CNTNAP2: variants seen among roughly 807,000 people sequenced by gnomAD.
The protein encoded by CNTNAP2 is contactin associated protein 2.
CNTNAP2 carries 98 observed loss-of-function variants against 155.2 expected under a neutral mutation model. That is an observed-to-expected ratio of 0.63 (90% CI 0.54 to 0.75). CNTNAP2 has a LOEUF of 0.75. Among genes scored for constraint, CNTNAP2 ranks in the 30% least tolerant of loss-of-function variants. CNTNAP2 has a pLI of 0.00. For synonymous variants in CNTNAP2, 651 were observed against 631.2 expected, an observed-to-expected ratio of 1.03 and a Z score of -0.47; for missense variants, 1,727 against 1,688.1, an observed-to-expected ratio of 1.02 and a Z score of -0.40.
chr7:146,419,276 G>A (rs1275186521), intron 1 of CNTNAP2, among the ~76,000 whole-genome samples: 1 of 152,058 alleles, frequency 6.6e-6, no homozygotes, highest in East Asian at 1.9e-4. Flanking sequence ...CATGAGAACA[G>A]TATGGGGGAA....
At chr7:146,418,132 A>T (rs186723551) in intron 1 of CNTNAP2, among the ~76,000 whole-genome samples, 2 of 152,344 alleles carry the variant, frequency 1.3e-5, no homozygotes, top group East Asian at 3.9e-4. Flanking sequence ...AAAGAGAAGA[A>T]GAAGATGTGA....
chr7:148,041,708 T>G (rs1802679376), intron 15 of CNTNAP2, among the ~76,000 whole-genome samples: 1 of 152,212 alleles, frequency 6.6e-6, no homozygotes, highest in Admixed American at 6.5e-5. Context: ...AAGAATATCA[T>G]TAGTATAGTT....
chr7:147,298,964 T>C lies in CNTNAP2; in HGVS notation c.1349-1177T>C, dbSNP rs113581287. Among the ~76,000 whole-genome samples, 120 of 152,350 alleles carry C rather than the reference T, an allele frequency of 7.9e-4. 1 individual carries two copies. The highest frequency in any genetic ancestry group is 2.8e-3 in the African/African-American group (116 of 41,594). On this transcript the variant is annotated intron_variant, in intron 8 of 23. Transcript: ENST00000361727. Reference sequence around the variant, plus strand: ...ATTCCTGGTATAAATTATCAGGAGCTTGGAGCCTTGATCTGTGTGTCATTG... The same window carrying C: ...ATTCCTGGTATAAATTATCAGGAGCCTGGAGCCTTGATCTGTGTGTCATTG...
chr7:146,282,014 C>T (rs183020086), intron 1 of CNTNAP2, among the ~76,000 whole-genome samples: 36 of 151,978 alleles, frequency 2.4e-4, no homozygotes, highest in Admixed American at 9.2e-4. Context: ...ATAGTAGAGA[C>T]CTAAAAGCCC....
intron 10 of CNTNAP2, among the ~76,000 whole-genome samples, chr7:147,429,269 G>T (rs1797429641): frequency 6.6e-6 from 1 of 151,476 alleles, no homozygotes; most frequent in Non-Finnish European, 1.5e-5. Context: ...TTTAAATTAT[G>T]GCCATTCTTG....
rs560273703 is a variant in CNTNAP2 at position 146,717,274 on chromosome 7, G to A, written c.98-56997G>A. 7.9e-5 allele frequency among the ~76,000 whole-genome samples: 12 copies of A among 151,862 alleles called. No individual in the cohort carries two copies. The South Asian group carries it at 1.0e-3, about 13-fold the overall frequency. On this transcript the variant is annotated intron_variant, in intron 1 of 23. Coordinates refer to ENST00000361727, the MANE Select transcript of CNTNAP2 (RefSeq NM_014141.6). ...CTAGTTTTCTTTGGGAGGCCGAGGC[G>A]GGTGGATCACCTGAGGTCAGGAGTT...
At chr7:147,309,854 C>T (rs1180665239) in intron 9 of CNTNAP2, among the ~76,000 whole-genome samples, 1 of 151,808 alleles carries the variant, frequency 6.6e-6, no homozygotes, top group African/African-American at 2.4e-5. Context: ...AGCATAGTAC[C>T]ATATAAGTAG....
At chr7:146,548,709 T>A (rs1347572066) in intron 1 of CNTNAP2, among the ~76,000 whole-genome samples, 2 of 151,976 alleles carry the variant, frequency 1.3e-5, no homozygotes, top group Middle Eastern at 3.4e-3. Context: ...ATCATTGTTG[T>A]TTTTGTTAGT....
At chr7:147,606,592 C>G (rs1212957938) in intron 12 of CNTNAP2, among the ~76,000 whole-genome samples, 3 of 152,020 alleles carry the variant, frequency 2.0e-5, no homozygotes, top group African/African-American at 7.2e-5. Flanking sequence ...ACTAGAGTAC[C>G]AATACCAGAT....
At chr7:147,767,654 G>A (rs1797402914) in intron 13 of CNTNAP2, among the ~76,000 whole-genome samples, 1 of 151,992 alleles carries the variant, frequency 6.6e-6, no homozygotes, top group African/African-American at 2.4e-5. Context: ...AAGACAGATG[G>A]AGGAGATTGG....
At chr7:146,156,579 C>T (rs1798129532) in intron 1 of CNTNAP2, among the ~76,000 whole-genome samples, 1 of 152,252 alleles carries the variant, frequency 6.6e-6, no homozygotes, top group African/African-American at 2.4e-5. Flanking sequence ...TTCTCCTCTA[C>T]ATATTGTTTT....
chr7:146,119,014 C>CTT (rs1461146631), intron 1 of CNTNAP2, among the ~76,000 whole-genome samples: 1 of 152,020 alleles, frequency 6.6e-6, no homozygotes, highest in East Asian at 1.9e-4. Flanking sequence ...GGATTCAGTA[C>CTT]TTTAAATATC....
intron 15 of CNTNAP2, among the ~76,000 whole-genome samples, chr7:148,028,826 C>G (rs1272534852): frequency 6.6e-6 from 1 of 152,120 alleles, no homozygotes; most frequent in East Asian, 1.9e-4. Flanking sequence ...AACACCATCT[C>G]CCCAGATCAT....
intron 1 of CNTNAP2, among the ~76,000 whole-genome samples, chr7:146,489,357 A>T (rs1055715623): frequency 3.3e-5 from 5 of 152,204 alleles, no homozygotes; most frequent in Admixed American, 1.3e-4. Context: ...CAAAAAGCTA[A>T]TTTAGTTTTT....
intron 3 of CNTNAP2, among the ~76,000 whole-genome samples, chr7:146,960,370 G>A (rs536303989): frequency 1.3e-5 from 2 of 152,300 alleles, no homozygotes; most frequent in Non-Finnish European, 2.9e-5. Context: ...GTCTCAGAGA[G>A]AGGCCAGTTA....
chr7:147,977,754 C>T, intron 14 of CNTNAP2, 108 bp from the exon 15 acceptor site: 1 of 1,486,544 alleles, frequency 6.7e-7, no homozygotes, highest in South Asian at 1.1e-5. Flanking sequence ...TAGTAAACTT[C>T]CAAACGATTA....
intron 19 of CNTNAP2, among the ~76,000 whole-genome samples, chr7:148,219,204 T>G (rs942014837): frequency 6.6e-6 from 1 of 152,176 alleles, no homozygotes; most frequent in Non-Finnish European, 1.5e-5. Context: ...CCTCCCAAAG[T>G]GCTGGGATTA....
intron 11 of CNTNAP2, among the ~76,000 whole-genome samples, chr7:147,554,306 T>C (rs977203739): frequency 6.6e-6 from 1 of 152,162 alleles, no homozygotes; most frequent in Non-Finnish European, 1.5e-5. Flanking sequence ...CCAGGAAATA[T>C]GGCAATCACA....
At chr7:147,177,314 C>G (rs1159875301) in intron 8 of CNTNAP2, among the ~76,000 whole-genome samples, 1 of 152,150 alleles carries the variant, frequency 6.6e-6, no homozygotes, top group South Asian at 2.1e-4. Context: ...CGGTTTCCCC[C>G]ATGCTGGTTT....
Sources: gnomAD v4.1 joint callset for allele counts (sites outside exome capture counted in the v4.1 genomes callset) on GRCh38, gnomAD v4.1.1 for gene constraint, MANE v1.5 for transcripts, NCBI Gene and HGNC (gene_info 2026-07-23, HGNC 2026-07-21) for gene names.